The following CDYL variants were observed in gnomAD, a reference collection of about 807,000 sequenced individuals.
The protein encoded by CDYL is chromodomain Y like, also known as chromodomain Y-like protein.
A neutral mutation model predicts 47.3 loss-of-function variants in CDYL; 8 were observed. The ratio of observed to expected loss-of-function variants is 0.17; its 90% CI spans 0.10 to 0.31. CDYL has a LOEUF of 0.31. CDYL is among the 10% of genes least tolerant of loss of function. The probability of loss-of-function intolerance (pLI) is 1.00; values close to 1 mark genes in which losing one functional copy is unlikely to be tolerated. For missense variants in CDYL, 471 were observed against 701.4 expected (o/e 0.67, Z 3.71); for synonymous variants, 266 against 265.0 (o/e 1.00, Z -0.04).
intron 5 of CDYL, among the ~76,000 whole-genome samples, chr6:4,946,816 T>A (rs934253597): frequency 6.6e-6 from 1 of 152,140 alleles, no homozygotes; most frequent in Non-Finnish European, 1.5e-5. Flanking sequence ...CCCCACCGGC[T>A]GTGCTGCCCT....
At chr6:4,866,241 G>T (rs908592520) in intron 1 of CDYL, among the ~76,000 whole-genome samples, 2 of 152,150 alleles carry the variant, frequency 1.3e-5, no homozygotes, top group African/African-American at 4.8e-5. Flanking sequence ...ACAGTTAAAG[G>T]AAAAGAGATG....
chr6:4,758,975 T>C (rs940199127), intron 3 of CDYL, among the ~76,000 whole-genome samples: 1 of 148,928 alleles, frequency 6.7e-6, no homozygotes, highest in Non-Finnish European at 1.5e-5. Context: ...TTTCTTTTTT[T>C]TTTTTTTTTT....
intron 1 of CDYL, among the ~76,000 whole-genome samples, chr6:4,804,988 A>G (rs1490026789): frequency 1.3e-5 from 2 of 152,218 alleles, no homozygotes; most frequent in Non-Finnish European, 2.9e-5. Context: ...AATTGTTCAT[A>G]GTAGCTGCAT....
In CDYL at chr6:4,756,324, T is replaced by C. The variant is rs182844400; in HGVS notation, c.186+21480T>C. Among the ~76,000 whole-genome samples, 15 of 152,270 alleles carry C rather than the reference T, an allele frequency of 9.9e-5. No homozygotes were observed. The East Asian group carries it at 2.7e-3, about 27-fold the overall frequency. On this transcript the variant is annotated intron_variant, in intron 3 of 8. Coordinates refer to the CDYL transcript ENST00000328908. ...ATAGCTGATAAAATTCACTCCACTCTTTTGCTCTCTTCACACTGCTTGGAA... is the reference window on the plus strand; with the variant it reads ...ATAGCTGATAAAATTCACTCCACTCCTTTGCTCTCTTCACACTGCTTGGAA...
chr6:4,947,208 C>T (rs1482302006), intron 5 of CDYL, among the ~76,000 whole-genome samples: 1 of 152,192 alleles, frequency 6.6e-6, no homozygotes, highest in African/African-American at 2.4e-5. Flanking sequence ...GCAGTGTTGC[C>T]TTGCTGAGAG....
chr6:4,942,128 T>C (rs1758377112), intron 4 of CDYL, among the ~76,000 whole-genome samples: 1 of 152,204 alleles, frequency 6.6e-6, no homozygotes. Context: ...GTGTGATCTT[T>C]CTAAGAATGC....
chr6:4,826,618 G>GGGTC (rs1759989327), intron 1 of CDYL, among the ~76,000 whole-genome samples: 1 of 152,152 alleles, frequency 6.6e-6, no homozygotes, highest in Admixed American at 6.5e-5. Context: ...CATGGTTGTT[G>GGGTC]AAGGAGGGTG....
chr6:4,748,150 C>G (rs954930511), intron 3 of CDYL, among the ~76,000 whole-genome samples: 6 of 152,208 alleles, frequency 3.9e-5, no homozygotes, highest in Non-Finnish European at 7.3e-5. Flanking sequence ...TGACCTCTTG[C>G]TTCTTGACCT....
chr6:4,713,962 A>G (rs1214613820), intron 1 of CDYL: 4 of 152,196 alleles, frequency 2.6e-5, no homozygotes, highest in Non-Finnish European at 5.9e-5. Context: ...ACATTCTCAC[A>G]TAACTCCTTG....
At chr6:4,746,093 C>T (rs182242280) in intron 3 of CDYL, among the ~76,000 whole-genome samples, 78 of 151,928 alleles carry the variant, frequency 5.1e-4, no homozygotes, top group Non-Finnish European at 7.7e-4. Flanking sequence ...TGGCTGGGCG[C>T]GGTGGCTCAC....
chr6:4,875,128 C>G (rs564334637), intron 1 of CDYL, among the ~76,000 whole-genome samples: 1 of 152,286 alleles, frequency 6.6e-6, no homozygotes, highest in African/African-American at 2.4e-5. Context: ...AGTTGTGCCA[C>G]TCTTGACTCT....
chr6:4,852,114 A>C (rs1330577748), intron 1 of CDYL, among the ~76,000 whole-genome samples: 1 of 152,192 alleles, frequency 6.6e-6, no homozygotes, highest in Non-Finnish European at 1.5e-5. Flanking sequence ...CACCAGGCAG[A>C]AATCCCATTT....
chr6:4,806,882 G>T (rs950435161), intron 1 of CDYL, among the ~76,000 whole-genome samples: 1 of 152,192 alleles, frequency 6.6e-6, no homozygotes, highest in Non-Finnish European at 1.5e-5. Flanking sequence ...CACAAACCAA[G>T]TGGCTCAGGC....
At chr6:4,707,951 C>A (rs1440793183) in intron 1 of CDYL, among the ~76,000 whole-genome samples, 1 of 151,788 alleles carries the variant, frequency 6.6e-6, no homozygotes, top group Admixed American at 6.6e-5. Flanking sequence ...TATTTAGTTT[C>A]TGAATAAGCA....
At chr6:4,762,648 A>C in intron 3 of CDYL, among the ~76,000 whole-genome samples, 2 of 104,778 alleles carry the variant, frequency 1.9e-5, no homozygotes, top group Non-Finnish European at 1.8e-5. Context: ...AGGGTACCAA[A>C]AAAAAAAAAA....
rs546437995 is a variant in CDYL at position 4,819,553 on chromosome 6, A to G, written c.24+42746A>G. Reference sequence around the variant, plus strand: ...TCATTGCTTTAAAGGTATCATCATGACAACATCTTGAGGCTCAGGTATCTG... The same window carrying G: ...TCATTGCTTTAAAGGTATCATCATGGCAACATCTTGAGGCTCAGGTATCTG... On this transcript the variant is annotated intron_variant, in intron 1 of 6. Transcript: ENST00000397588. Among the ~76,000 whole-genome samples the G allele has an allele frequency of 3.3e-5, 5 of 152,298 alleles. No individual in the cohort carries two copies. In the East Asian group the frequency reaches 9.6e-4, roughly 29 times the overall value.
intron 1 of CDYL, among the ~76,000 whole-genome samples, chr6:4,879,551 G>GTTTTTT (rs1581231563): frequency 7.6e-6 from 1 of 131,436 alleles, no homozygotes. Flanking sequence ...TTTTTTGTGG[G>GTTTTTT]GTTTTTTTTT....
intron 1 of CDYL, among the ~76,000 whole-genome samples, chr6:4,711,114 A>G (rs1370639028): frequency 6.6e-6 from 1 of 152,166 alleles, no homozygotes; most frequent in African/African-American, 2.4e-5. Flanking sequence ...TATCCCCACC[A>G]CCAGTCCATG....
rs1186573267 is a variant in CDYL, at chr6:4,891,771, G to A, written c.83G>A (p.Arg28Gln). The A allele has an allele frequency of 1.9e-6, 3 of 1,614,086 alleles. No individual in the cohort carries two copies. Among genetic ancestry groups the A allele is most frequent in the South Asian group, 1.1e-5 (1 of 91,082 alleles). Residue 28 changes from arginine (R) to glutamine (Q), a missense_variant, in exon 2 of 7, where the codon CGG becomes CAG. This residue lies in a region of CDYL where 311 missense variants were observed against 350.0 expected (regional missense o/e 0.89). Transcript: ENST00000397588. ...NKKGKTEYLV[R>Q]WKGYDSEDDT... ...AAAGGGAAGACAGAGTATTTGGTTC[G>A]GTGGAAAGGCTATGACAGCGAGGAC...
Sources: gnomAD v4.1 joint callset for allele counts (sites outside exome capture counted in the v4.1 genomes callset) on GRCh38, gnomAD v4.1.1 for gene constraint, gnomAD v4.1.1 regional missense constraint, MANE v1.5 for transcripts, NCBI Gene and HGNC (gene_info 2026-07-23, HGNC 2026-07-21) for gene names.